ZNF208: variants seen among roughly 807,000 people sequenced by gnomAD.
ZNF208 encodes the protein zinc finger protein 208, also known as zinc finger protein 95.
Under a neutral mutation model 12.1 loss-of-function variants are expected in ZNF208, and 10 were observed. The ratio of observed to expected loss-of-function variants is 0.83; its 90% confidence interval spans 0.51 to 1.40. The LOEUF is 1.40. Ranked by LOEUF, ZNF208 falls within the 40% of genes most tolerant of loss-of-function variation. ZNF208 has a pLI of 0.00. For synonymous variants in ZNF208, 497 were observed against 488.4 expected, an observed-to-expected ratio of 1.02 and a Z score of -0.23; for missense variants, 1,652 against 1,485.0, an observed-to-expected ratio of 1.11 and a Z score of -1.85.
chr19:21,990,157 C>T (rs1465209092), intron 1 of ZNF208, among the ~76,000 whole-genome samples: 1 of 151,986 alleles, frequency 6.6e-6, no homozygotes, highest in Non-Finnish European at 1.5e-5. Flanking sequence ...AAGTCCTTGC[C>T]CATGCCTATG....
At chr19:21,996,211 T>C (rs1434679850) in intron 1 of ZNF208, among the ~76,000 whole-genome samples, 2 of 152,042 alleles carry the variant, frequency 1.3e-5, no homozygotes, top group Non-Finnish European at 2.9e-5. Flanking sequence ...GACAAAATAT[T>C]CAAGTTGCCT....
intron 1 of ZNF208, among the ~76,000 whole-genome samples, chr19:22,009,898 C>A (rs1301996623): frequency 2.6e-5 from 4 of 152,078 alleles, no homozygotes; most frequent in Admixed American, 6.5e-5. Context: ...AATTAAGAAA[C>A]CACAAGGCCG....
At chr19:21,960,102 C>A (rs1164463612) in intron 4 of ZNF208, among the ~76,000 whole-genome samples, 1 of 152,034 alleles carries the variant, frequency 6.6e-6, no homozygotes, top group Non-Finnish European at 1.5e-5. Context: ...TTCTTTCTTA[C>A]AACTGTGAGA....
intron 1 of ZNF208, among the ~76,000 whole-genome samples, chr19:21,994,469 G>T (rs1279500226): frequency 6.6e-6 from 1 of 152,118 alleles, no homozygotes; most frequent in Non-Finnish European, 1.5e-5. Flanking sequence ...TCCAAAAAAG[G>T]GTGAATATGA....
intron 3 of ZNF208, among the ~76,000 whole-genome samples, chr19:21,979,252 G>T (rs982175369): frequency 6.6e-6 from 1 of 152,262 alleles, no homozygotes; most frequent in East Asian, 1.9e-4. Flanking sequence ...TCCTCGAGAA[G>T]AGCAACCCCA....
intron 3 of ZNF208, among the ~76,000 whole-genome samples, chr19:21,981,516 T>C (rs552412399): frequency 6.6e-6 from 1 of 152,158 alleles, no homozygotes; most frequent in Non-Finnish European, 1.5e-5. Flanking sequence ...ACAGCCTTCA[T>C]GCTAAAAACT....
rs769224193 is a variant in ZNF208, at chr19:21,971,538, C to T, written c.3496G>A (p.Glu1166Lys). Residue 1166 changes from glutamate (E) to lysine (K), a missense_variant, in exon 4 of 4, where the codon GAG becomes AAG. By Grantham distance (56) the Glu-to-Lys change is moderately conservative (BLOSUM62 1). Coordinates refer to ENST00000397126, the MANE Select transcript of ZNF208 (RefSeq NM_007153.3). ...CATTCTTCACATTTGTAGGGTTTCTCTACAGTATGAATTTTCTTATGATAA... is the reference window on the plus strand; with the variant it reads ...CATTCTTCACATTTGTAGGGTTTCTTTACAGTATGAATTTTCTTATGATAA... ...LSYHKKIHTV[E>K]KPYKCEECGK... is the part of the protein sequence containing the mutation. The T allele has an allele frequency of 6.2e-7, 1 of 1,610,810 alleles. No individual in the cohort carries two copies. Among genetic ancestry groups the T allele is most frequent in the Non-Finnish European group, 8.5e-7 (1 of 1,179,816 alleles).
Position 21,973,229 on chromosome 19 carries a change from A to C in ZNF208, c.1805T>G (p.Ile602Ser), listed in dbSNP as rs756788669. The change falls in exon 4 of 4, where the codon ATT (isoleucine) becomes AGT (serine). Residue 602 changes from isoleucine (I) to serine (S), a missense_variant. Ile to Ser is a moderately radical substitution (Grantham distance 142, BLOSUM62 -2). Transcript: ENST00000397126. ...QSAILIKHKR[I>S]HTGEKPYKCE... Reference sequence around the variant, plus strand: ...TTTGTAGGGTTTCTCACCAGTATGAATTCTCTTATGTTTAATAAGAATTGC... The same window carrying C: ...TTTGTAGGGTTTCTCACCAGTATGACTTCTCTTATGTTTAATAAGAATTGC... 3 of 1,613,314 alleles carry C rather than the reference A, an allele frequency of 1.9e-6. No homozygotes were observed. In the Admixed American group the frequency reaches 5.0e-5, roughly 27 times the overall value.
intron 1 of ZNF208, among the ~76,000 whole-genome samples, chr19:21,996,740 T>A (rs1352862653): frequency 6.6e-6 from 1 of 152,186 alleles, no homozygotes; most frequent in Non-Finnish European, 1.5e-5. Context: ...CATATTTTAC[T>A]CTGATTGGGT....
At chr19:21,995,648 C>T (rs774628462) in intron 1 of ZNF208, among the ~76,000 whole-genome samples, 22 of 152,154 alleles carry the variant, frequency 1.4e-4, no homozygotes, top group African/African-American at 3.6e-4. Flanking sequence ...CCGGGTTGTC[C>T]GTCCTGATTT....
intron 1 of ZNF208, among the ~76,000 whole-genome samples, chr19:22,001,015 GCGGTGGCTCACAC>G (rs971406659): frequency 6.6e-6 from 1 of 152,122 alleles, no homozygotes; most frequent in Non-Finnish European, 1.5e-5. Flanking sequence ...TGGGCTGAGT[GCGGTGGCTCACAC>G]CTGTAATCCC....
At position 21,968,704 on chromosome 19, in the gene ZNF208, T is replaced by A. The variant is rs561667763; in HGVS notation, c.*2487A>T. ...TTTCATATATTTCACTGATTTAATA[T>A]AACAAGTTAGGGTGAAATCCCACCT... On this transcript the variant is annotated 3_prime_UTR_variant, in exon 4 of 4. Transcript: ENST00000397126. Among the ~76,000 whole-genome samples, 6 of 152,252 alleles carry A rather than the reference T, an allele frequency of 3.9e-5. No individual in the cohort carries two copies. Among genetic ancestry groups the A allele is most frequent in the African/African-American group, 1.4e-4 (6 of 41,566 alleles).
At position 21,943,099 on chromosome 19, in the gene ZNF208, G is replaced by A. The variant is rs148010544; in HGVS notation, c.306-9862C>T. ...TCTACTGTTACCTAAAAAATCAACTGGAAGGCACTTTTATAACCTTGCACC... is the reference window on the plus strand; with the variant it reads ...TCTACTGTTACCTAAAAAATCAACTAGAAGGCACTTTTATAACCTTGCACC... On this transcript the variant is annotated intron_variant, in intron 4 of 4. Transcript: ENST00000599916. Among the ~76,000 whole-genome samples the A allele has an allele frequency of 1.1e-4, 17 of 152,296 alleles. No individual in the cohort carries two copies. The East Asian group carries it at 3.1e-3, about 28-fold the overall frequency.
chr19:21,947,439 T>C (rs942358439), intron 4 of ZNF208, among the ~76,000 whole-genome samples: 6 of 152,258 alleles, frequency 3.9e-5, no homozygotes, highest in Middle Eastern at 3.4e-3. Flanking sequence ...GTTGGAGTTT[T>C]TACCTAGGAT....
At chr19:21,982,486 T>G (rs1970560703) in intron 3 of ZNF208, among the ~76,000 whole-genome samples, 1 of 152,120 alleles carries the variant, frequency 6.6e-6, no homozygotes, top group East Asian at 1.9e-4. Context: ...ACCATTGACT[T>G]TCTTCACAGA....
At chr19:21,941,907 A>G (rs761109697) in intron 4 of ZNF208, among the ~76,000 whole-genome samples, 1 of 152,220 alleles carries the variant, frequency 6.6e-6, no homozygotes, top group Non-Finnish European at 1.5e-5. Context: ...ACGTAAAAAA[A>G]AAACTTTATT....
chr19:21,982,026 C>A (rs1232684600), intron 3 of ZNF208, among the ~76,000 whole-genome samples: 4 of 152,044 alleles, frequency 2.6e-5, no homozygotes, highest in Non-Finnish European at 5.9e-5. Flanking sequence ...AACTACAAAC[C>A]ACTGCTCAAG....
Position 22,004,460 on chromosome 19 carries a change from C to T in ZNF208, c.3+6332G>A, listed in dbSNP as rs1044259476. ...CCTGGGAGGTAGAGGTTGCAATGCG[C>T]CGAGATCAAGCCACTGCACTCCAGC... On this transcript the variant is annotated intron_variant, in intron 1 of 3. Transcript: ENST00000397126. 1.3e-4 allele frequency among the ~76,000 whole-genome samples: 20 copies of T among 152,044 alleles called. 1 individual carries two copies. Among genetic ancestry groups the T allele is most frequent in the Admixed American group, 1.2e-3 (19 of 15,268 alleles).
At position 21,972,875 on chromosome 19, in the gene ZNF208, G is replaced by A. The variant is rs761539543; in HGVS notation, c.2159C>T (p.Pro720Leu). ...TTTGCCACATTCTTCACATTTGTAG[G>A]GTTTCTCTCCAGTATGAATTCTCTT... ...EHKRIHTGEK[P>L]YKCEECGKSF... Residue 720 changes from proline (P) to leucine (L), a missense_variant, in exon 4 of 4, where the codon CCC becomes CTC. This residue lies in a region of ZNF208 where 1,239 missense variants were observed against 1,086.2 expected (regional missense o/e 1.14). Coordinates refer to ENST00000397126, the MANE Select transcript of ZNF208 (RefSeq NM_007153.3). 3 of 1,613,122 alleles carry A rather than the reference G, an allele frequency of 1.9e-6. No homozygotes were observed. The highest frequency in any genetic ancestry group is 2.2e-5 in the South Asian group (2 of 91,010).
Sources: allele counts gnomAD v4.1 joint callset (sites outside exome capture counted in the v4.1 genomes callset), GRCh38; gene constraint gnomAD v4.1.1; regional missense constraint gnomAD v4.1.1; transcripts MANE v1.5; gene names NCBI Gene and HGNC (gene_info 2026-07-23, HGNC 2026-07-21).